Variants in PTPRM observed in about 807,000 individuals in gnomAD.
PTPRM encodes the protein protein tyrosine phosphatase receptor type M, also known as receptor-type tyrosine-protein phosphatase mu.
Under a neutral mutation model 186.7 loss-of-function variants are expected in PTPRM, and 47 were observed. That is an observed-to-expected ratio of 0.25 (90% CI 0.20 to 0.32). PTPRM has a LOEUF of 0.32. Ranked by LOEUF, PTPRM falls within the 10% of genes least tolerant of loss-of-function variation. PTPRM has a pLI of 1.00. For missense variants in PTPRM, 1,494 were observed against 1,865.0 expected, an observed-to-expected ratio of 0.80 and a Z score of 3.66; for synonymous variants, 668 against 674.9, an observed-to-expected ratio of 0.99 and a Z score of 0.16.
chr18:7,944,920 A>G (rs1450382640), intron 5 of PTPRM, among the ~76,000 whole-genome samples: 4 of 152,238 alleles, frequency 2.6e-5, no homozygotes, highest in African/African-American at 9.6e-5. Context: ...TCATGTTGAA[A>G]TATTAATCAC....
chr18:7,814,099 C>T (rs2044676947), intron 2 of PTPRM: 5 of 152,178 alleles, frequency 3.3e-5, no homozygotes, highest in Admixed American at 2.6e-4. Flanking sequence ...TACACATCTC[C>T]ATGCTTGACA....
At chr18:7,966,696 G>GA (rs2054102051) in intron 7 of PTPRM, among the ~76,000 whole-genome samples, 1 of 147,080 alleles carries the variant, frequency 6.8e-6, no homozygotes, top group Non-Finnish European at 1.5e-5. Context: ...AGGGGTGACG[G>GA]GCGCACCTGG....
At chr18:7,844,927 C>T (rs138148541) in intron 2 of PTPRM, among the ~76,000 whole-genome samples, 141 of 152,272 alleles carry the variant, frequency 9.3e-4, no homozygotes, top group African/African-American at 3.1e-3. Context: ...ACAAAATTCA[C>T]ATTCATCAAT....
intron 1 of PTPRM, among the ~76,000 whole-genome samples, chr18:7,582,687 A>G (rs1339278119): frequency 1.3e-5 from 2 of 152,146 alleles, no homozygotes; most frequent in East Asian, 3.9e-4. Flanking sequence ...GGAAAAAGAA[A>G]AGTTTAGGGT....
intron 7 of PTPRM, among the ~76,000 whole-genome samples, chr18:8,009,789 G>T (rs1600049013): frequency 1.3e-5 from 2 of 152,190 alleles, no homozygotes; most frequent in Admixed American, 1.3e-4. Flanking sequence ...GTGTCAGTTG[G>T]ACTAAATAAT....
chr18:8,067,471 C>A (rs371085788), intron 7 of PTPRM, among the ~76,000 whole-genome samples: 1 of 152,130 alleles, frequency 6.6e-6, no homozygotes, highest in Admixed American at 6.5e-5. Context: ...ATGCCACTCA[C>A]GATTTCTTGG....
At chr18:8,229,591 A>G (rs2094259225) in intron 14 of PTPRM, among the ~76,000 whole-genome samples, 1 of 152,138 alleles carries the variant, frequency 6.6e-6, no homozygotes, top group Non-Finnish European at 1.5e-5. Flanking sequence ...AAATAACATC[A>G]TCATGATTCT....
intron 32 of PTPRM, among the ~76,000 whole-genome samples, chr18:8,401,351 A>G (rs1387523973): frequency 2.6e-5 from 4 of 152,186 alleles, no homozygotes; most frequent in Non-Finnish European, 5.9e-5. Context: ...CATTCCAGGG[A>G]CATGCTGCTG....
intron 1 of PTPRM, among the ~76,000 whole-genome samples, chr18:7,639,336 C>T (rs938626819): frequency 1.3e-5 from 2 of 151,524 alleles, no homozygotes; most frequent in Admixed American, 1.3e-4. Flanking sequence ...TCCCAAAGTG[C>T]TGGGATTACA....
chr18:7,826,972 T>G (rs1286803644), intron 2 of PTPRM, among the ~76,000 whole-genome samples: 1 of 152,066 alleles, frequency 6.6e-6, no homozygotes, highest in Non-Finnish European at 1.5e-5. Context: ...TGTGGTGATA[T>G]TCACCTATAA....
At chr18:8,155,678 G>A (rs919095065) in intron 14 of PTPRM, among the ~76,000 whole-genome samples, 18 of 152,264 alleles carry the variant, frequency 1.2e-4, no homozygotes, top group Middle Eastern at 6.8e-3. Flanking sequence ...AAACAAAAAA[G>A]ATAAGAGGGA....
At chr18:8,266,323 C>T (rs2094699979) in intron 19 of PTPRM, among the ~76,000 whole-genome samples, 1 of 138,190 alleles carries the variant, frequency 7.2e-6, no homozygotes, top group African/African-American at 2.8e-5. Context: ...GCTGTGGAAG[C>T]TTTGTTCTTT....
intron 1 of PTPRM, among the ~76,000 whole-genome samples, chr18:7,746,073 A>G (rs759703458): frequency 7.9e-5 from 12 of 152,216 alleles, no homozygotes; most frequent in Non-Finnish European, 1.3e-4. Context: ...GATAAAGGCA[A>G]TGTCTGAAGA....
At chr18:8,376,796 A>G in intron 26 of PTPRM, 199 bp downstream of exon 26, 1 of 632,358 alleles carries the variant, frequency 1.6e-6, no homozygotes, top group Non-Finnish European at 2.4e-6. Context: ...CAAACCCAGG[A>G]GTTTTCCAGG....
At chr18:7,744,717 A>G (rs2040949703) in intron 1 of PTPRM, among the ~76,000 whole-genome samples, 1 of 151,854 alleles carries the variant, frequency 6.6e-6, no homozygotes, top group Non-Finnish European at 1.5e-5. Flanking sequence ...TGTATTGGAC[A>G]CCCCCAATAT....
intron 14 of PTPRM, among the ~76,000 whole-genome samples, chr18:8,202,472 A>G (rs554297934): frequency 6.6e-6 from 1 of 152,288 alleles, no homozygotes; most frequent in African/African-American, 2.4e-5. Context: ...CTTTTTGCCT[A>G]TGGCATGCAG....
chr18:7,958,421 CTTTCTT>C (rs2053459873), intron 7 of PTPRM, among the ~76,000 whole-genome samples: 2 of 152,080 alleles, frequency 1.3e-5, no homozygotes, highest in South Asian at 4.1e-4. Flanking sequence ...GATGTGGAAC[CTTTCTT>C]AACTAATGAG....
intron 14 of PTPRM, among the ~76,000 whole-genome samples, chr18:8,176,506 G>A (rs1568468702): frequency 6.6e-6 from 1 of 152,152 alleles, no homozygotes; most frequent in Non-Finnish European, 1.5e-5. Flanking sequence ...GTATACATAT[G>A]TAGGATTCAG....
intron 9 of PTPRM, among the ~76,000 whole-genome samples, chr18:8,078,683 G>C (rs562936326): frequency 6.6e-6 from 1 of 152,324 alleles, no homozygotes; most frequent in Non-Finnish European, 1.5e-5. Flanking sequence ...ATAAAGAAAA[G>C]AGGTTTAACT....
Sources: gnomAD v4.1 joint callset for allele counts (sites outside exome capture counted in the v4.1 genomes callset) on GRCh38, gnomAD v4.1.1 for gene constraint, MANE v1.5 for transcripts, NCBI Gene and HGNC (gene_info 2026-07-23, HGNC 2026-07-21) for gene names.